The following SCNN1B variants were observed in gnomAD, a reference collection of about 807,000 sequenced individuals.
SCNN1B encodes the protein sodium channel epithelial 1 subunit beta.
In SCNN1B, 46 loss-of-function variants were observed where a neutral mutation model predicts 65.3. That is an observed-to-expected ratio of 0.70 (90% CI 0.56 to 0.90). The LOEUF (loss-of-function observed/expected upper bound fraction) is 0.90. Among genes scored for constraint, SCNN1B ranks in the 40% least tolerant of loss-of-function variants. The pLI, the probability that SCNN1B is intolerant of heterozygous loss-of-function variation, is 0.00. For missense variants in SCNN1B, 751 were observed against 830.5 expected, an observed-to-expected ratio of 0.90 and a Z score of 1.18; for synonymous variants, 349 against 330.6, an observed-to-expected ratio of 1.06 and a Z score of -0.60.
chr16:23,374,544 A>G (rs1007629525), intron 7 of SCNN1B, among the ~76,000 whole-genome samples: 1 of 142,152 alleles, frequency 7.0e-6, no homozygotes, highest in Non-Finnish European at 1.5e-5. Context: ...ACTGCACTAC[A>G]GCCTGAGCAA....
rs549062688 is a variant in SCNN1B, at chr16:23,321,499, G to C, written c.-9+19062G>C. ...GTCCCATAGGACAAGACAGCACACA[G>C]AGCCTGGACCCTGGGAAAGGCAGGG... is the stretch of plus-strand genomic sequence containing the variant. On this transcript the variant is annotated intron_variant, in intron 1 of 12. Coordinates refer to ENST00000343070, the MANE Select transcript of SCNN1B (RefSeq NM_000336.3). Among the ~76,000 whole-genome samples the C allele has an allele frequency of 2.0e-5, 3 of 152,284 alleles. No individual in the cohort carries two copies. In the South Asian group the frequency reaches 6.2e-4, roughly 32 times the overall value.
chr16:23,318,479 G>A (rs1961518677), intron 1 of SCNN1B, among the ~76,000 whole-genome samples: 2 of 152,092 alleles, frequency 1.3e-5, no homozygotes, highest in African/African-American at 4.8e-5. Context: ...CGTGGTGGCG[G>A]ACGCCTGTAA....
At chr16:23,332,291 G>A (rs990907788) in intron 1 of SCNN1B, among the ~76,000 whole-genome samples, 2 of 151,888 alleles carry the variant, frequency 1.3e-5, no homozygotes, top group African/African-American at 4.8e-5. Flanking sequence ...TGCCTCCCGA[G>A]TTCAAGCGAT....
intron 2 of SCNN1B, among the ~76,000 whole-genome samples, chr16:23,285,916 G>T (rs1202385622): frequency 6.6e-6 from 1 of 152,178 alleles, no homozygotes; most frequent in Non-Finnish European, 1.5e-5. Flanking sequence ...AGAAGTTGCA[G>T]TGAGCCAAGA....
rs572154894 is a variant in SCNN1B at position 23,344,904 on chromosome 16, G to A, written c.-8-3688G>A. Among the ~76,000 whole-genome samples the A allele has an allele frequency of 4.6e-5, 7 of 152,286 alleles. No individual in the cohort carries two copies. In the South Asian group the frequency reaches 1.5e-3, roughly 32 times the overall value. ...AGCTACTCAAGTGGCTAAGGTGGGAGGATCACCTGAGCCCGGGAGGTGGAG... is the reference window on the plus strand; with the variant it reads ...AGCTACTCAAGTGGCTAAGGTGGGAAGATCACCTGAGCCCGGGAGGTGGAG... On this transcript the variant is annotated intron_variant, in intron 1 of 12. Coordinates refer to ENST00000343070, the MANE Select transcript of SCNN1B (RefSeq NM_000336.3).
chr16:23,369,477 C>G (rs1962738971), intron 5 of SCNN1B, among the ~76,000 whole-genome samples: 1 of 152,168 alleles, frequency 6.6e-6, no homozygotes, highest in Non-Finnish European at 1.5e-5. Context: ...ACGGATCCCC[C>G]TCCCTCGGGG....
intron 1 of SCNN1B, among the ~76,000 whole-genome samples, chr16:23,305,844 A>T (rs1961205833): frequency 6.6e-6 from 1 of 151,980 alleles, no homozygotes; most frequent in South Asian, 2.1e-4. Flanking sequence ...AGGGCATGAC[A>T]GTCCCTACCT....
At chr16:23,286,629 C>CA (rs1868812309) in intron 2 of SCNN1B, among the ~76,000 whole-genome samples, 1 of 152,218 alleles carries the variant, frequency 6.6e-6, no homozygotes, top group South Asian at 2.1e-4. Context: ...ATACAGCAGA[C>CA]AGCAGGACAA....
At chr16:23,365,535 GA>G in intron 4 of SCNN1B, among the ~76,000 whole-genome samples, 1 of 122,854 alleles carries the variant, frequency 8.1e-6, no homozygotes, top group African/African-American at 3.9e-5. Context: ...GAGAAAGAGA[GA>G]AGGAAAGAGA....
chr16:23,326,928 G>A (rs1416446126), intron 1 of SCNN1B, among the ~76,000 whole-genome samples: 1 of 151,604 alleles, frequency 6.6e-6, no homozygotes, highest in Non-Finnish European at 1.5e-5. Flanking sequence ...CAAGTCTCCA[G>A]TGATTATTAT....
chr16:23,353,444 A>T (rs1456260827), intron 3 of SCNN1B, among the ~76,000 whole-genome samples: 1 of 152,306 alleles, frequency 6.6e-6, no homozygotes, highest in African/African-American at 2.4e-5. Context: ...CTCAGGCAAG[A>T]TCTCTCCATG....
In SCNN1B at chr16:23,353,007, G is replaced by A; in HGVS notation, c.518G>A (p.Gly173Asp). The change falls in exon 3 of 13, where the codon GGC (glycine) becomes GAC (aspartate). Residue 173 changes from glycine to aspartate, a missense_variant. Coordinates refer to ENST00000343070, the MANE Select transcript of SCNN1B (RefSeq NM_000336.3). Reference protein sequence around the residue: ...VLDLFGDNHNGLTSSSASEKI... With the variant: ...VLDLFGDNHNDLTSSSASEKI... ...GATCTCTTTGGAGACAACCACAATGGCTTAACAAGCAGCTCAGCATCAGAA... is the reference window on the plus strand; with the variant it reads ...GATCTCTTTGGAGACAACCACAATGACTTAACAAGCAGCTCAGCATCAGAA... 6.2e-7 allele frequency: 1 copy of A among 1,614,142 alleles called. No homozygotes were observed.
intron 4 of SCNN1B, chr16:23,359,502 T>TG (rs567676691): frequency 2.6e-5 from 4 of 152,440 alleles, no homozygotes; most frequent in African/African-American, 9.6e-5. Context: ...CTCCCACAGT[T>TG]GACTGGTCAT....
At chr16:23,333,103 AAGGAAGGG>A (rs1237169961) in intron 1 of SCNN1B, among the ~76,000 whole-genome samples, 1,579 of 114,698 alleles carry the variant, frequency 0.014, 80 homozygotes, top group African/African-American at 0.061. Context: ...GGGAGGAAGG[AAGGAAGGG>A]AGGGAGGGAG....
In SCNN1B at chr16:23,355,500, C is replaced by T; in HGVS notation, c.776+11C>T. 1 of 1,613,728 alleles carries T rather than the reference C, an allele frequency of 6.2e-7. No individual in the cohort carries two copies. The highest frequency in any genetic ancestry group is 8.5e-7 in the Non-Finnish European group (1 of 1,179,956). ...GCCCTGCAACTACCGGTGAGAGCCA[C>T]CCCAAGCCCACCCGGCCAGGCCCTG... On this transcript the variant is annotated intron_variant, in intron 4 of 12. Coordinates refer to ENST00000343070, the MANE Select transcript of SCNN1B (RefSeq NM_000336.3).
chr16:23,302,595 C>T (rs1961108102), intron 1 of SCNN1B, among the ~76,000 whole-genome samples, 158 bp downstream of exon 1: 1 of 152,074 alleles, frequency 6.6e-6, no homozygotes, highest in African/African-American at 2.4e-5. Context: ...GCGCCTGGGA[C>T]CCGGCCTGGG....
At chr16:23,337,903 CA>C (rs796991852) in intron 1 of SCNN1B, among the ~76,000 whole-genome samples, 25 of 150,132 alleles carry the variant, frequency 1.7e-4, no homozygotes, top group Admixed American at 6.6e-4. Flanking sequence ...CCATTTCTAC[CA>C]AAAAAAAATA....
intron 7 of SCNN1B, among the ~76,000 whole-genome samples, chr16:23,373,883 G>T (rs1430791559): frequency 6.6e-6 from 1 of 152,172 alleles, no homozygotes; most frequent in African/African-American, 2.4e-5. Context: ...CGGAGAAGAA[G>T]GTACCAGCCC....
rs537714943 is a variant in SCNN1B at position 23,307,351 on chromosome 16, T to G, written c.-9+4914T>G. 1.2e-4 allele frequency among the ~76,000 whole-genome samples: 18 copies of G among 147,834 alleles called. 1 individual carries two copies. The South Asian group carries it at 2.0e-3, about 16-fold the overall frequency. ...GGGTGGTGTGGGGAACGGAGTTTCA[T>G]TCTTGTCACCCAGGCTGGAGTGCAA... On this transcript the variant is annotated intron_variant, in intron 1 of 12. Transcript: ENST00000343070.
Sources: allele counts gnomAD v4.1 joint callset (sites outside exome capture counted in the v4.1 genomes callset), GRCh38; gene constraint gnomAD v4.1.1; transcripts MANE v1.5; gene names NCBI Gene and HGNC (gene_info 2026-07-23, HGNC 2026-07-21).